BCAS3: variants seen among roughly 807,000 people sequenced by gnomAD.
BCAS3 encodes BCAS4/BCAS3 fusion.
Under a neutral mutation model 116.1 loss-of-function variants are expected in BCAS3, and 53 were observed. The observed-to-expected ratio is 0.46, with a 90% CI of 0.37 to 0.57. The LOEUF is 0.57. Ranked by LOEUF, BCAS3 falls within the 20% of genes least tolerant of loss-of-function variation. BCAS3 has a pLI of 0.00. For missense variants in BCAS3, 917 were observed against 1,165.4 expected, an observed-to-expected ratio of 0.79 and a Z score of 3.10; for synonymous variants, 391 against 408.2, an observed-to-expected ratio of 0.96 and a Z score of 0.51.
intron 5 of BCAS3, among the ~76,000 whole-genome samples, chr17:60,728,953 G>T (rs191728709): frequency 5.4e-4 from 82 of 152,258 alleles, no homozygotes; most frequent in Non-Finnish European, 8.2e-4. Flanking sequence ...GGGAGAAAAT[G>T]TAGAACATTT....
intron 6 of BCAS3, among the ~76,000 whole-genome samples, chr17:60,769,309 C>T (rs372102116): frequency 5.9e-5 from 9 of 152,136 alleles, no homozygotes; most frequent in African/African-American, 2.2e-4. Flanking sequence ...GCAGTCCTGC[C>T]ACTGAGGAGA....
intron 2 of BCAS3, among the ~76,000 whole-genome samples, 167 bp downstream of exon 2, chr17:60,679,707 T>C (rs1296213227): frequency 6.6e-6 from 1 of 152,178 alleles, no homozygotes; most frequent in African/African-American, 2.4e-5. Context: ...ATTGGAGAGT[T>C]AAGTTGACGT....
At chr17:61,382,542 G>A (rs547334631) in intron 23 of BCAS3, among the ~76,000 whole-genome samples, 39 of 151,846 alleles carry the variant, frequency 2.6e-4, no homozygotes, top group Admixed American at 7.9e-4. Context: ...GATTACAGGC[G>A]TGAGCCACCG....
rs961977149 is a variant in BCAS3 at position 61,300,274 on chromosome 17, G to T, written c.2426-68053G>T. 6.6e-6 allele frequency among the ~76,000 whole-genome samples: 1 copy of T among 152,028 alleles called. No homozygotes were observed. The highest frequency in any genetic ancestry group is 1.5e-5 in the Non-Finnish European group (1 of 68,028). On this transcript the variant is annotated intron_variant, in intron 22 of 23. Coordinates refer to ENST00000407086, the MANE Select transcript of BCAS3 (RefSeq NM_017679.5). The surrounding 1 kb of genome is among the most constrained non-coding windows in gnomAD (Gnocchi z 5.1). ...GTCCCGAGACCCTAAGGATGTTTTCGTAGAGCTTTGACCTTGATGAAGCAC... is the reference window on the plus strand; with the variant it reads ...GTCCCGAGACCCTAAGGATGTTTTCTTAGAGCTTTGACCTTGATGAAGCAC...
rs749813615 is a variant in BCAS3, at chr17:61,156,367, G to A, written c.2425+71803G>A. Among the ~76,000 whole-genome samples, 1 of 152,064 alleles carries A rather than the reference G, an allele frequency of 6.6e-6. No individual in the cohort carries two copies. The highest frequency in any genetic ancestry group is 1.5e-5 in the Non-Finnish European group (1 of 68,002). On this transcript the variant is annotated intron_variant, in intron 22 of 23. Transcript: ENST00000407086. The surrounding 1 kb of genome is among the most constrained non-coding windows in gnomAD (Gnocchi z 4.7). ...ATTTTCTGAGTTCGGGAGAAAGGTG[G>A]ACTTTTGTTTTATCTTGTTTCTTTT...
intron 10 of BCAS3, among the ~76,000 whole-genome samples, chr17:60,892,242 C>T (rs2057204000): frequency 6.6e-6 from 1 of 151,768 alleles, no homozygotes; most frequent in Non-Finnish European, 1.5e-5. Flanking sequence ...TTTCCATTTA[C>T]ATTCCCACCA....
Position 61,272,636 on chromosome 17 carries a change from CAAAAAAAAAAAA to C in BCAS3, c.2426-95671_2426-95660del, listed in dbSNP as rs373837874. ...CTGGTGACAGAGTGAAACCCTGTCT[CAAAAAAAAAAAA>C]AAAAAAAAAAAAAAAAAAAGCAATT... is the stretch of plus-strand genomic sequence containing the variant. On this transcript the variant is annotated intron_variant, in intron 22 of 23. Coordinates refer to ENST00000407086, the MANE Select transcript of BCAS3 (RefSeq NM_017679.5). 1.6e-3 allele frequency among the ~76,000 whole-genome samples: 74 copies of C among 47,388 alleles called. 2 individuals are homozygous for C. Among genetic ancestry groups the C allele is most frequent in the East Asian group, 0.013 (14 of 1,082 alleles). 31.1% of individuals were successfully genotyped at this position (47,388 alleles called of 152,430 possible). A position where few individuals can be genotyped will look rare whatever the true frequency, so the allele number is the denominator to read the frequency against.
chr17:60,814,307 G>GTGCGCGTGCGCA (rs2049154520), intron 7 of BCAS3, among the ~76,000 whole-genome samples: 2 of 120,926 alleles, frequency 1.7e-5, no homozygotes, highest in African/African-American at 1.0e-4. Context: ...GTGTGTGTGT[G>GTGCGCGTGCGCA]CGCGCGTGCC....
intron 19 of BCAS3, among the ~76,000 whole-genome samples, chr17:61,045,823 T>TCTCTCTCTCTCTCTC (rs2068003623): frequency 2.9e-5 from 1 of 34,628 alleles, no homozygotes; most frequent in African/African-American, 2.6e-4. Flanking sequence ...TCATCTCTCT[T>TCTCTCTCTCTCTCTC]TCTCTCTCTC....
intron 7 of BCAS3, among the ~76,000 whole-genome samples, chr17:60,844,661 A>G (rs967525299): frequency 6.6e-6 from 1 of 152,156 alleles, no homozygotes; most frequent in Admixed American, 6.5e-5. Context: ...ATGACCATCT[A>G]AGACTACTGG....
At chr17:61,342,791 G>T (rs35383405) in intron 22 of BCAS3, among the ~76,000 whole-genome samples, 17,781 of 149,178 alleles carry the variant, frequency 0.12, 1,483 homozygotes, top group East Asian at 0.29. Context: ...TCCCTCTGTA[G>T]CCCAGGCTGG....
intron 10 of BCAS3, 111 bp downstream of exon 10, chr17:60,889,882 A>G: frequency 1.0e-6 from 1 of 974,446 alleles, no homozygotes; most frequent in Non-Finnish European, 1.6e-6. Flanking sequence ...TGTTTTACTT[A>G]CTAGTTCATT....
intron 5 of BCAS3, among the ~76,000 whole-genome samples, chr17:60,713,521 G>C (rs1318866027): frequency 4.6e-5 from 7 of 152,060 alleles, no homozygotes; most frequent in African/African-American, 1.2e-4. Context: ...AACCAACTGT[G>C]GATTGAAAAT....
chr17:60,921,982 TTTTC>T (rs992823223), intron 12 of BCAS3, among the ~76,000 whole-genome samples: 41 of 152,202 alleles, frequency 2.7e-4, no homozygotes, highest in Non-Finnish European at 5.1e-4. Flanking sequence ...TAAAACATTT[TTTTC>T]TTTTTTTTTC....
intron 19 of BCAS3, among the ~76,000 whole-genome samples, chr17:61,062,213 T>C (rs906413591): frequency 6.6e-6 from 1 of 152,052 alleles, no homozygotes; most frequent in African/African-American, 2.4e-5. Flanking sequence ...ATATACACGG[T>C]TTAAAAGGTA....
Position 61,227,840 on chromosome 17 carries a change from T to C in BCAS3, c.2426-140487T>C, listed in dbSNP as rs188874165. Among the ~76,000 whole-genome samples the C allele has an allele frequency of 9.7e-4, 147 of 152,282 alleles. 1 individual carries two copies. The highest frequency in any genetic ancestry group is 1.6e-3 in the Non-Finnish European group (112 of 68,026). On this transcript the variant is annotated intron_variant, in intron 22 of 23. Transcript: ENST00000407086. The surrounding 1 kb of genome is among the most constrained non-coding windows in gnomAD (Gnocchi z 6.1). Reference sequence around the variant, plus strand: ...GTAAAATTTGTACTAAGGTTAAACATTGAAAGAGAATTTTGCAAATATCTG... The same window carrying C: ...GTAAAATTTGTACTAAGGTTAAACACTGAAAGAGAATTTTGCAAATATCTG...
intron 13 of BCAS3, among the ~76,000 whole-genome samples, chr17:60,943,426 T>C (rs1383948134): frequency 2.0e-5 from 3 of 151,932 alleles, no homozygotes; most frequent in Non-Finnish European, 4.4e-5. Context: ...CAAAACAAAG[T>C]TGGAGTGGTA....
rs1258282829 is a variant in BCAS3, at chr17:60,739,876, TG to T, written c.322-7321del. ...CAGAATTAGAGGTTGCTGTTTTTTT[TG>T]TTTTTGTTTTTTTTTTTCCACACAA... On this transcript the variant is annotated intron_variant, in intron 5 of 23. Transcript: ENST00000407086. 8.1e-3 allele frequency among the ~76,000 whole-genome samples: 1,229 copies of T among 151,144 alleles called. 24 individuals carry two copies. The highest frequency in any genetic ancestry group is 0.027 in the African/African-American group (1,095 of 40,574).
chr17:61,094,958 A>G (rs2073872927), intron 22 of BCAS3, among the ~76,000 whole-genome samples: 1 of 152,260 alleles, frequency 6.6e-6, no homozygotes, highest in Non-Finnish European at 1.5e-5. Context: ...CCGAATGACC[A>G]GTTTCATGTT....
Sources: gnomAD v4.1 joint callset for allele counts (sites outside exome capture counted in the v4.1 genomes callset) on GRCh38, gnomAD v4.1.1 for gene constraint, Gnocchi (gnomAD v3.1) non-coding constraint, MANE v1.5 for transcripts, NCBI Gene and HGNC (gene_info 2026-07-23, HGNC 2026-07-21) for gene names.